The following LPAR1 variants were observed in gnomAD, a reference collection of about 807,000 sequenced individuals.
LPAR1 encodes lysophosphatidic acid receptor 1, also known as LPA receptor 1.
LPAR1 carries 5 observed loss-of-function variants against 23.8 expected under a neutral mutation model. That is an observed-to-expected ratio of 0.21 (90% CI 0.11 to 0.44). LPAR1 has a LOEUF of 0.44. Ranked by LOEUF, LPAR1 falls within the 20% of genes least tolerant of loss-of-function variation. The pLI is 0.99. For synonymous variants in LPAR1, 160 were observed against 164.7 expected (o/e 0.97, Z 0.22); for missense variants, 311 against 482.8 (o/e 0.64, Z 3.33).
At chr9:110,890,806 C>T (rs1296688035) in intron 5 of LPAR1, among the ~76,000 whole-genome samples, 2 of 152,330 alleles carry the variant, frequency 1.3e-5, no homozygotes, top group East Asian at 3.9e-4. Context: ...ATTCACCACA[C>T]TATTAAGAAA....
chr9:111,020,156 T>C (rs1016918376), intron 2 of LPAR1, among the ~76,000 whole-genome samples: 2 of 152,182 alleles, frequency 1.3e-5, no homozygotes, highest in Admixed American at 1.3e-4. Context: ...ACAGCTACAC[T>C]GGGGGTTAGG....
chr9:111,006,598 G>T (rs1342393209), intron 2 of LPAR1, among the ~76,000 whole-genome samples: 1 of 152,048 alleles, frequency 6.6e-6, no homozygotes, highest in Non-Finnish European at 1.5e-5. Flanking sequence ...AATTTGGGTT[G>T]ATCCAAATCA....
At chr9:110,995,490 C>T (rs1417854182) in intron 2 of LPAR1, among the ~76,000 whole-genome samples, 2 of 152,164 alleles carry the variant, frequency 1.3e-5, no homozygotes, top group Non-Finnish European at 2.9e-5. Context: ...TATTACCATT[C>T]TTCCTCATTG....
intron 2 of LPAR1, among the ~76,000 whole-genome samples, chr9:111,000,972 C>CGTTA (rs140286812): frequency 0.025 from 3,761 of 152,212 alleles, 65 homozygotes; most frequent in South Asian, 0.071. Context: ...CTCATAATAA[C>CGTTA]CCCTTTTGTT....
intron 2 of LPAR1, among the ~76,000 whole-genome samples, chr9:110,981,662 C>T (rs935274378): frequency 1.3e-5 from 2 of 151,206 alleles, no homozygotes; most frequent in African/African-American, 4.9e-5. Flanking sequence ...CTGCAGAAAA[C>T]CAAGTTGGTG....
At chr9:111,002,636 T>C (rs946083701) in intron 2 of LPAR1, among the ~76,000 whole-genome samples, 1 of 152,198 alleles carries the variant, frequency 6.6e-6, no homozygotes, top group South Asian at 2.1e-4. Flanking sequence ...TCATTGCTGT[T>C]TGAGAGCTGA....
chr9:110,977,903 G>GAAGGAAA (rs1564228957), intron 2 of LPAR1, among the ~76,000 whole-genome samples: 1 of 99,632 alleles, frequency 1.0e-5, no homozygotes, highest in Non-Finnish European at 2.2e-5. Flanking sequence ...AAGGAAGGAA[G>GAAGGAAA]GAAGGAAAGA....
intron 5 of LPAR1, among the ~76,000 whole-genome samples, chr9:110,923,609 G>A (rs898326385): frequency 6.6e-6 from 1 of 152,148 alleles, no homozygotes; most frequent in South Asian, 2.1e-4. Context: ...AATTTACGAT[G>A]GATTTATGGA....
chr9:110,911,959 C>T (rs937372682), intron 5 of LPAR1, among the ~76,000 whole-genome samples: 1 of 151,996 alleles, frequency 6.6e-6, no homozygotes, highest in Non-Finnish European at 1.5e-5. Context: ...AACGGCCAGC[C>T]GGAAAGCAGA....
intron 5 of LPAR1, among the ~76,000 whole-genome samples, chr9:110,917,005 A>G: frequency 6.6e-6 from 1 of 151,722 alleles, no homozygotes; most frequent in East Asian, 1.9e-4. Context: ...AGATAAAATA[A>G]CTTCTTTTCA....
intron 5 of LPAR1, among the ~76,000 whole-genome samples, chr9:110,918,495 A>T (rs1443213525): frequency 6.6e-6 from 1 of 152,198 alleles, no homozygotes; most frequent in Non-Finnish European, 1.5e-5. Flanking sequence ...CAGGCTCATG[A>T]TTACATCATG....
At position 110,941,382 on chromosome 9, in the gene LPAR1, A is replaced by G; in HGVS notation, c.793+39T>C. The G allele has an allele frequency of 6.5e-7, 1 of 1,545,066 alleles. No homozygotes were observed. The highest frequency in any genetic ancestry group is 1.4e-5 in the African/African-American group (1 of 73,106). The stretch of plus-strand genomic sequence containing the variant: ...ATAATGTGGTTTATGTTAGTCACTG[A>G]GAATCTATAAAGTAAGTTACAGTCA... On this transcript the variant is annotated intron_variant, in intron 5 of 5. Transcript: ENST00000683809. The surrounding 1 kb of genome is among the most constrained non-coding windows in gnomAD (Gnocchi z 6.1).
intron 2 of LPAR1, among the ~76,000 whole-genome samples, chr9:111,000,883 C>T (rs900807495): frequency 2.6e-5 from 4 of 152,090 alleles, no homozygotes; most frequent in African/African-American, 4.8e-5. Flanking sequence ...CCAGAGAGGT[C>T]GGTCATTTTG....
chr9:110,941,848 G>A lies in LPAR1; in HGVS notation c.366C>T (p.Leu122=). The change falls in exon 5 of 6, where the codon CTC becomes CTT. Residue 122 remains leucine (L), a synonymous_variant. Transcript: ENST00000683809. This position sits in a 1 kb window ranked among gnomAD's most constrained non-coding sequence, Gnocchi z 6.1. ...NTRRLTVSTW[L]LRQGLIDTSL... ...TGGTGTCAATGAGGCCCTGACGAAGGAGCCATGTGCTAACAGTCAGTCTCC... is the reference window on the plus strand; with the variant it reads ...TGGTGTCAATGAGGCCCTGACGAAGAAGCCATGTGCTAACAGTCAGTCTCC... 6.2e-7 allele frequency: 1 copy of A among 1,614,220 alleles called. No individual in the cohort carries two copies. The highest frequency in any genetic ancestry group is 8.5e-7 in the Non-Finnish European group (1 of 1,180,028).
At chr9:110,988,478 T>G (rs529783234) in intron 2 of LPAR1, among the ~76,000 whole-genome samples, 36 of 152,242 alleles carry the variant, frequency 2.4e-4, no homozygotes, top group African/African-American at 7.9e-4. Flanking sequence ...CAAGCTAATT[T>G]TAAAATGATT....
chr9:110,976,704 T>C (rs1266443132), intron 2 of LPAR1, among the ~76,000 whole-genome samples: 1 of 152,170 alleles, frequency 6.6e-6, no homozygotes, highest in East Asian at 1.9e-4. Context: ...CCTCTTCTCT[T>C]CTTTCCTAGT....
At chr9:110,933,268 A>G (rs1025068948) in intron 5 of LPAR1, among the ~76,000 whole-genome samples, 2 of 152,202 alleles carry the variant, frequency 1.3e-5, no homozygotes, top group Non-Finnish European at 2.9e-5. Context: ...TCGCACATCA[A>G]ATTATACGTG....
At chr9:110,912,852 T>C (rs527279048) in intron 5 of LPAR1, among the ~76,000 whole-genome samples, 7 of 152,264 alleles carry the variant, frequency 4.6e-5, no homozygotes, top group Non-Finnish European at 8.8e-5. Context: ...AGGATGCTAA[T>C]CTTGCCTCTC....
chr9:111,027,216 C>A (rs2097708082), intron 2 of LPAR1, among the ~76,000 whole-genome samples: 2 of 151,948 alleles, frequency 1.3e-5, no homozygotes, highest in Admixed American at 1.3e-4. Flanking sequence ...CGCTCCACCC[C>A]AAATCAACAG....
Sources: gnomAD v4.1 joint callset for allele counts (sites outside exome capture counted in the v4.1 genomes callset) on GRCh38, gnomAD v4.1.1 for gene constraint, Gnocchi (gnomAD v3.1) non-coding constraint, MANE v1.5 for transcripts, NCBI Gene and HGNC (gene_info 2026-07-23, HGNC 2026-07-21) for gene names.